The following TAB2 variants were observed in gnomAD, a reference collection of about 807,000 sequenced individuals.
TAB2 encodes the protein TGF-beta activated kinase 1 (MAP3K7) binding protein 2, also known as TGF-beta-activated kinase 1 and MAP3K7-binding protein 2.
In TAB2, 3 loss-of-function variants were observed where a neutral mutation model predicts 65.0. That is an observed-to-expected ratio of 0.05 (90% CI 0.02 to 0.12). TAB2 has a LOEUF of 0.12. Ranked by LOEUF, TAB2 falls within the 10% of genes least tolerant of loss-of-function variation. The pLI is 1.00. For synonymous variants in TAB2, 298 were observed against 285.1 expected (o/e 1.05, Z -0.46); for missense variants, 623 against 840.3 (o/e 0.74, Z 3.20).
intron 3 of TAB2, among the ~76,000 whole-genome samples, chr6:149,391,335 A>G (rs1437106816): frequency 6.6e-6 from 1 of 151,456 alleles, no homozygotes; most frequent in Non-Finnish European, 1.5e-5. Flanking sequence ...TTTTTTAATC[A>G]TCCTGTCCCA....
intron 1 of TAB2, among the ~76,000 whole-genome samples, chr6:149,359,578 G>A (rs976898886): frequency 4.6e-5 from 7 of 152,102 alleles, no homozygotes; most frequent in Non-Finnish European, 1.5e-5. Flanking sequence ...TAAATAAAAT[G>A]TCTTTCTGAT....
intron 1 of TAB2, among the ~76,000 whole-genome samples, chr6:149,354,372 T>C (rs1282326711): frequency 6.6e-6 from 1 of 152,200 alleles, no homozygotes; most frequent in East Asian, 1.9e-4. Context: ...TGTCATAAAA[T>C]GTAATCTCAA....
chr6:149,286,290 A>G (rs973731708), intron 1 of TAB2, among the ~76,000 whole-genome samples: 14 of 152,228 alleles, frequency 9.2e-5, no homozygotes, highest in Non-Finnish European at 1.6e-4. Flanking sequence ...AATATTATTG[A>G]TATGGTGCAC....
At chr6:149,321,767 T>G (rs1583086714) in intron 1 of TAB2, among the ~76,000 whole-genome samples, 1 of 152,174 alleles carries the variant, frequency 6.6e-6, no homozygotes, top group South Asian at 2.1e-4. Flanking sequence ...GACATCCAAG[T>G]CAGAATTATC....
chr6:149,376,409 T>A (rs1169441487), intron 2 of TAB2, among the ~76,000 whole-genome samples: 1 of 152,224 alleles, frequency 6.6e-6, no homozygotes, highest in East Asian at 1.9e-4. Flanking sequence ...TTGCAACAAT[T>A]TGTTCAACAA....
chr6:149,303,952 T>C (rs1779013621), intron 1 of TAB2, among the ~76,000 whole-genome samples: 1 of 152,218 alleles, frequency 6.6e-6, no homozygotes, highest in Non-Finnish European at 1.5e-5. Flanking sequence ...AGAGCATGTG[T>C]CTGGAGGACT....
chr6:149,277,519 A>G (rs992590169), intron 1 of TAB2, among the ~76,000 whole-genome samples: 3 of 152,206 alleles, frequency 2.0e-5, no homozygotes, highest in African/African-American at 4.8e-5. Context: ...GACAAACCAA[A>G]TATTAACACC....
intron 1 of TAB2, among the ~76,000 whole-genome samples, chr6:149,234,391 G>T (rs1313481328): frequency 6.6e-6 from 1 of 152,124 alleles, no homozygotes; most frequent in Non-Finnish European, 1.5e-5. Flanking sequence ...AAGAGGGGTT[G>T]GCTGAAGGGC....
chr6:149,251,515 G>C (rs925569562), intron 1 of TAB2, among the ~76,000 whole-genome samples: 1 of 152,164 alleles, frequency 6.6e-6, no homozygotes, highest in Admixed American at 6.6e-5. Context: ...TTTCCTTCTT[G>C]TTTCCTTGAA....
intron 1 of TAB2, among the ~76,000 whole-genome samples, chr6:149,369,569 G>C (rs1013245631): frequency 3.9e-5 from 6 of 151,966 alleles, no homozygotes; most frequent in African/African-American, 1.5e-4. Flanking sequence ...ACTCACCTTG[G>C]GATAATCATT....
chr6:149,369,958 T>C lies in TAB2; in HGVS notation c.-40T>C, dbSNP rs1261988484. On this transcript the variant is annotated 5_prime_UTR_variant, in exon 2 of 7. Transcript: ENST00000637181. The stretch of plus-strand genomic sequence containing the variant: ...GTACTATTTCCACTAAGGCCTAGAA[T>C]TGCCTACTGTACAAATAGTCCTGAT... 6.5e-7 allele frequency: 1 copy of C among 1,544,770 alleles called. No individual in the cohort carries two copies. Among genetic ancestry groups the C allele is most frequent in the South Asian group, 1.1e-5 (1 of 89,640 alleles).
At chr6:149,363,781 G>A (rs1780940473) in intron 1 of TAB2, among the ~76,000 whole-genome samples, 1 of 152,074 alleles carries the variant, frequency 6.6e-6, no homozygotes, top group Admixed American at 6.6e-5. Context: ...GGTCAGATCT[G>A]TCCTTTGAGC....
chr6:149,339,492 T>C (rs1437274257), intron 1 of TAB2, among the ~76,000 whole-genome samples: 2 of 152,216 alleles, frequency 1.3e-5, no homozygotes, highest in Admixed American at 1.3e-4. Context: ...ATAAATGGAC[T>C]CATACATTGA....
At chr6:149,292,200 T>C (rs1041540036) in intron 1 of TAB2, among the ~76,000 whole-genome samples, 16 of 152,324 alleles carry the variant, frequency 1.1e-4, no homozygotes, top group African/African-American at 3.6e-4. Flanking sequence ...ATTGATTCAC[T>C]AGACAGAGGC....
At chr6:149,300,403 C>A (rs190642149) in intron 1 of TAB2, among the ~76,000 whole-genome samples, 2 of 152,222 alleles carry the variant, frequency 1.3e-5, no homozygotes, top group Admixed American at 1.3e-4. Context: ...ATAACTCTGA[C>A]CTTGAGCAAG....
chr6:149,351,610 T>C (rs1001890774), intron 1 of TAB2, among the ~76,000 whole-genome samples: 2 of 152,140 alleles, frequency 1.3e-5, no homozygotes, highest in Non-Finnish European at 2.9e-5. Flanking sequence ...CTCCTAACAC[T>C]CCTATGAAGT....
chr6:149,354,046 C>A (rs2114813250), intron 1 of TAB2, among the ~76,000 whole-genome samples: 2 of 152,262 alleles, frequency 1.3e-5, no homozygotes, highest in Middle Eastern at 6.8e-3. Context: ...TAAAATTTAA[C>A]TAAATTTCTC....
intron 1 of TAB2, among the ~76,000 whole-genome samples, chr6:149,366,450 G>A (rs1380331496): frequency 1.3e-5 from 2 of 152,056 alleles, no homozygotes; most frequent in Non-Finnish European, 2.9e-5. Context: ...TAAGCTTTCA[G>A]CTGTTATGAT....
intron 1 of TAB2, among the ~76,000 whole-genome samples, chr6:149,334,846 GA>G (rs1472042123): frequency 6.6e-6 from 1 of 152,140 alleles, no homozygotes; most frequent in Non-Finnish European, 1.5e-5. Context: ...ATGTGGAGAG[GA>G]AAAGAATTGA....
Sources: gnomAD v4.1 joint callset for allele counts (sites outside exome capture counted in the v4.1 genomes callset) on GRCh38, gnomAD v4.1.1 for gene constraint, MANE v1.5 for transcripts, NCBI Gene and HGNC (gene_info 2026-07-23, HGNC 2026-07-21) for gene names.